TTC39B: variants seen among roughly 807,000 people sequenced by gnomAD.
TTC39B encodes tetratricopeptide repeat protein 39B.
Under a neutral mutation model 96.6 loss-of-function variants are expected in TTC39B, and 92 were observed. The observed-to-expected ratio is 0.95, with a 90% CI of 0.80 to 1.13. The LOEUF (loss-of-function observed/expected upper bound fraction) is 1.13, where lower values mean the gene tolerates loss of function less well. Among genes scored for constraint, TTC39B ranks in the 50% most tolerant of loss-of-function variants. The probability of loss-of-function intolerance (pLI) is 0.00; values close to 1 mark genes in which losing one functional copy is unlikely to be tolerated. For synonymous variants in TTC39B, 367 were observed against 299.4 expected, an observed-to-expected ratio of 1.23 and a Z score of -2.33; for missense variants, 955 against 809.3, an observed-to-expected ratio of 1.18 and a Z score of -2.18.
At chr9:15,254,793 T>G (rs374536574) in intron 2 of TTC39B, among the ~76,000 whole-genome samples, 25 of 151,274 alleles carry the variant, frequency 1.7e-4, no homozygotes, top group African/African-American at 5.8e-4. Context: ...AAAGAATCCC[T>G]TAAGCCAATG....
chr9:15,164,012 G>A (rs1312509260), exon 20 of TTC39B: 3 of 152,118 alleles, frequency 2.0e-5, no homozygotes, highest in Non-Finnish European at 4.4e-5. Flanking sequence ...AAATATCAGA[G>A]GTTCACAGTT....
At chr9:15,299,521 G>A (rs942742224) in intron 1 of TTC39B, among the ~76,000 whole-genome samples, 1 of 152,132 alleles carries the variant, frequency 6.6e-6, no homozygotes, top group Non-Finnish European at 1.5e-5. Context: ...ACAGATCCAC[G>A]AAGCACAGGG....
intron 6 of TTC39B, among the ~76,000 whole-genome samples, chr9:15,205,047 T>A (rs925481193): frequency 1.3e-5 from 2 of 152,230 alleles, no homozygotes; most frequent in Non-Finnish European, 2.9e-5. Flanking sequence ...CCTGAGCTGC[T>A]AAAAAGGCTC....
rs747644295 is a variant in TTC39B at position 15,189,597 on chromosome 9, A to G, written c.1210T>C (p.Leu404=). ...ACCTCTTCAAGATTCCCTTTCAGCA[A>G]CTCTATTCGGGCATGATAAAACAAC... Residue 404 remains leucine (L), a synonymous_variant, in exon 13 of 20, where the codon TTG becomes CTG. Transcript: ENST00000512701. 19 of 1,614,074 alleles carry G rather than the reference A, an allele frequency of 1.2e-5. No individual in the cohort carries two copies. The South Asian group carries it at 2.0e-4, about 17-fold the overall frequency.
chr9:15,289,334 C>T lies in TTC39B; in HGVS notation c.240+17750G>A, dbSNP rs547822287. ...TATGATTCTTTCCTGCTCTGTAAAA[C>T]TCTAGTCATATGAATGTACTTACAA... On this transcript the variant is annotated intron_variant, in intron 1 of 19. Coordinates refer to ENST00000512701, the Ensembl canonical transcript of TTC39B. 2.6e-4 allele frequency among the ~76,000 whole-genome samples: 39 copies of T among 152,270 alleles called. No individual in the cohort carries two copies. The South Asian group carries it at 2.7e-3, about 11-fold the overall frequency.
At chr9:15,238,354 T>C (rs1157420197) in intron 2 of TTC39B, among the ~76,000 whole-genome samples, 2 of 152,142 alleles carry the variant, frequency 1.3e-5, no homozygotes, top group Non-Finnish European at 2.9e-5. Flanking sequence ...ATCATATACC[T>C]AGAAAGCCCC....
chr9:15,270,807 A>G (rs930018641), intron 1 of TTC39B, among the ~76,000 whole-genome samples: 9 of 151,612 alleles, frequency 5.9e-5, no homozygotes, highest in African/African-American at 2.2e-4. Flanking sequence ...TTGAAACAGT[A>G]ATCACGGGGC....
At chr9:15,281,329 A>G (rs1375710740) in intron 1 of TTC39B, among the ~76,000 whole-genome samples, 1 of 152,184 alleles carries the variant, frequency 6.6e-6, no homozygotes, top group Non-Finnish European at 1.5e-5. Context: ...AGGCTTTAAC[A>G]TGATGCCTAT....
At chr9:15,268,823 C>A (rs1823232027) in intron 1 of TTC39B, among the ~76,000 whole-genome samples, 1 of 152,212 alleles carries the variant, frequency 6.6e-6, no homozygotes, top group African/African-American at 2.4e-5. Flanking sequence ...ACAACAATAT[C>A]ATTCTTTTAC....
chr9:15,235,605 C>T (rs1311418210), intron 2 of TTC39B, among the ~76,000 whole-genome samples: 8 of 152,128 alleles, frequency 5.3e-5, no homozygotes, highest in African/African-American at 1.7e-4. Context: ...ATCAGACTAA[C>T]AGCAAACTTC....
intron 2 of TTC39B, among the ~76,000 whole-genome samples, chr9:15,239,518 G>A (rs901076715): frequency 6.6e-6 from 1 of 152,152 alleles, no homozygotes; most frequent in Non-Finnish European, 1.5e-5. Context: ...ACCAACCTAG[G>A]TGTCCATCAA....
At chr9:15,233,591 C>T (rs2131438012) in intron 2 of TTC39B, among the ~76,000 whole-genome samples, 1 of 151,714 alleles carries the variant, frequency 6.6e-6, no homozygotes, top group East Asian at 1.9e-4. Flanking sequence ...CTCCTAACCG[C>T]CAGTGATCCG....
chr9:15,223,594 A>T (rs1364473834), intron 3 of TTC39B, among the ~76,000 whole-genome samples: 1 of 152,180 alleles, frequency 6.6e-6, no homozygotes, highest in Non-Finnish European at 1.5e-5. Context: ...CTTCTTGTCC[A>T]CATCCAAGCT....
intron 17 of TTC39B, among the ~76,000 whole-genome samples, chr9:15,181,127 G>T (rs997879774): frequency 6.6e-6 from 1 of 152,126 alleles, no homozygotes; most frequent in Non-Finnish European, 1.5e-5. Flanking sequence ...CCAATGGGGG[G>T]CTGGGGGTGG....
intron 1 of TTC39B, among the ~76,000 whole-genome samples, chr9:15,269,803 C>CTCCCATGATCTCCCA (rs199911133): frequency 0.018 from 2,703 of 150,882 alleles, 25 homozygotes; most frequent in Non-Finnish European, 0.027. Context: ...TACAGTGAGC[C>CTCCCATGATCTCCCA]GAGATCATGC....
rs571910582 is a variant in TTC39B, at chr9:15,265,500, C to G, written c.275+2414G>C. 5.3e-5 allele frequency among the ~76,000 whole-genome samples: 8 copies of G among 152,324 alleles called. No individual in the cohort carries two copies. In the South Asian group the frequency reaches 1.7e-3, roughly 32 times the overall value. On this transcript the variant is annotated intron_variant, in intron 2 of 19. Coordinates refer to ENST00000512701, the Ensembl canonical transcript of TTC39B. ...CCTGGACTGTGATCACCTACTATAG[C>G]CCAAGCTCAATTCCTGCCAACACCA...
chr9:15,175,175 C>T (rs778403176), intron 18 of TTC39B, 40 bp from the exon 19 acceptor site: 1 of 1,320,050 alleles, frequency 7.6e-7, no homozygotes, highest in Non-Finnish European at 1.1e-6. Context: ...CTTAACAGAA[C>T]AAGAAATACA....
intron 8 of TTC39B, 47 bp downstream of exon 8, chr9:15,199,814 A>T (rs1448833593): frequency 9.9e-7 from 1 of 1,010,232 alleles, no homozygotes; most frequent in Admixed American, 2.1e-5. Context: ...ACAAAGGAGT[A>T]CACAGCACAA....
At position 15,211,259 on chromosome 9, in the gene TTC39B, G is replaced by C. The variant is rs768447567; in HGVS notation, c.614+7C>G. The C allele has an allele frequency of 1.4e-5, 22 of 1,524,348 alleles. No homozygotes were observed. Among genetic ancestry groups the C allele is most frequent in the Admixed American group, 9.0e-5 (4 of 44,626 alleles). The allele number at this position is 1,524,348 out of a possible 1,614,324, so 94.4% of individuals were successfully genotyped here. A position where few individuals can be genotyped will look rare whatever the true frequency, so the allele number is the denominator to read the frequency against. ...TCACATCTTAAGTATTTAATGACTC[G>C]TCATACTTTTGGCAGGTTTGTAAAG... On this transcript the variant is annotated splice_region_variant and intron_variant, in intron 5 of 19. Coordinates refer to ENST00000512701, the Ensembl canonical transcript of TTC39B.
Sources: gnomAD v4.1 joint callset for allele counts (sites outside exome capture counted in the v4.1 genomes callset) on GRCh38, gnomAD v4.1.1 for gene constraint, MANE v1.5 for transcripts, NCBI Gene and HGNC (gene_info 2026-07-23, HGNC 2026-07-21) for gene names.